Variants in AKR1D1 observed in about 807,000 individuals in gnomAD.
AKR1D1 encodes the protein aldo-keto reductase family 1 member D1, also known as delta(4)-3-ketosteroid 5-beta-reductase.
In AKR1D1, 32 loss-of-function variants were observed where a neutral mutation model predicts 42.6. The ratio of observed to expected loss-of-function variants is 0.75; its 90% CI spans 0.57 to 1.01. The LOEUF (loss-of-function observed/expected upper bound fraction) is 1.01, where lower values mean the gene tolerates loss of function less well. AKR1D1 is among the 50% of genes least tolerant of loss of function. The pLI, the probability that AKR1D1 is intolerant of heterozygous loss-of-function variation, is 0.00. For synonymous variants in AKR1D1, 123 were observed against 135.5 expected (o/e 0.91, Z 0.64); for missense variants, 364 against 402.2 (o/e 0.91, Z 0.81).
At chr7:138,098,075 C>T (rs1196756291) in intron 4 of AKR1D1, 132 bp downstream of exon 4, 2 of 771,474 alleles carry the variant, frequency 2.6e-6, no homozygotes, top group East Asian at 5.1e-5. Context: ...ACAGGCATTC[C>T]TAACCATAAG....
chr7:138,106,511 T>C, intron 5 of AKR1D1, 97 bp from the exon 6 acceptor site: 1 of 868,476 alleles, frequency 1.2e-6, no homozygotes, highest in Admixed American at 1.8e-5. Context: ...ATTCTATTAA[T>C]AAAATGGATT....
chr7:138,077,183 G>T (rs2117405808), intron 1 of AKR1D1, among the ~76,000 whole-genome samples: 1 of 152,254 alleles, frequency 6.6e-6, no homozygotes, highest in South Asian at 2.1e-4. Flanking sequence ...TTCTCATGCT[G>T]CTATTAAAGA....
Position 138,076,488 on chromosome 7 carries a change from C to G in AKR1D1, c.-31C>G, listed in dbSNP as rs749533931. ...TTCTAAAAAGACTCCCTGTGGTGTT[C>G]AGAATCACTCCTACAGTCAGGTTCT... On this transcript the variant is annotated 5_prime_UTR_variant, in exon 1 of 9. Transcript: ENST00000242375. 1 of 1,582,492 alleles carries G rather than the reference C, an allele frequency of 6.3e-7. No homozygotes were observed. Among genetic ancestry groups the G allele is most frequent in the East Asian group, 2.2e-5 (1 of 44,638 alleles).
At chr7:138,113,272 T>C (rs1794569116) in intron 7 of AKR1D1, among the ~76,000 whole-genome samples, 1 of 149,962 alleles carries the variant, frequency 6.7e-6, no homozygotes, top group African/African-American at 2.5e-5. Flanking sequence ...GCCAAGATGA[T>C]ACCACAGCAC....
chr7:138,086,878 A>G (rs1803192650), intron 1 of AKR1D1, among the ~76,000 whole-genome samples: 1 of 152,246 alleles, frequency 6.6e-6, no homozygotes, highest in South Asian at 2.1e-4. Flanking sequence ...TGCTTTGAAA[A>G]TTATATTTGA....
rs1794654974 is a variant in AKR1D1 at position 138,117,383 on chromosome 7, C to A, written c.*721C>A. The A allele has an allele frequency of 6.6e-6, 1 of 152,550 alleles. No individual in the cohort carries two copies. Among genetic ancestry groups the A allele is most frequent in the Non-Finnish European group, 1.5e-5 (1 of 68,048 alleles). 9.4% of individuals were successfully genotyped at this position (152,550 alleles called of 1,614,324 possible). Reference sequence around the variant, plus strand: ...CTTACACATCTTACTGTCAATCTTGCCTACATTGATTATAGAACCACTATT... The same window carrying A: ...CTTACACATCTTACTGTCAATCTTGACTACATTGATTATAGAACCACTATT... On this transcript the variant is annotated 3_prime_UTR_variant, in exon 9 of 9. Transcript: ENST00000242375.
chr7:138,106,300 G>A (rs1004741568), intron 5 of AKR1D1, among the ~76,000 whole-genome samples: 11 of 152,126 alleles, frequency 7.2e-5, no homozygotes, highest in Non-Finnish European at 1.2e-4. Context: ...ACTGATGTGT[G>A]TTTACTACAA....
intron 1 of AKR1D1, among the ~76,000 whole-genome samples, chr7:138,085,588 G>A (rs996910211): frequency 2.0e-5 from 3 of 151,864 alleles, no homozygotes; most frequent in African/African-American, 4.8e-5. Context: ...GGGATTACAG[G>A]TGTCTACCAC....
intron 5 of AKR1D1, among the ~76,000 whole-genome samples, chr7:138,106,032 A>G (rs188276678): frequency 2.7e-4 from 41 of 151,994 alleles, no homozygotes; most frequent in African/African-American, 9.0e-4. Flanking sequence ...ATGAAAAAAA[A>G]CTCACTATTA....
At chr7:138,100,490 G>A (rs1013318177) in intron 4 of AKR1D1, among the ~76,000 whole-genome samples, 3 of 152,032 alleles carry the variant, frequency 2.0e-5, no homozygotes, top group Non-Finnish European at 4.4e-5. Context: ...GCTAACACTA[G>A]TAAAAATAAA....
chr7:138,113,895 C>T (rs535179835), intron 8 of AKR1D1, 123 bp downstream of exon 8: 5 of 839,540 alleles, frequency 6.0e-6, no homozygotes, highest in Admixed American at 5.9e-5. Flanking sequence ...TGGTGGGCCG[C>T]ATATTCTGAA....
At chr7:138,088,899 T>C (rs1211333263) in intron 2 of AKR1D1, 131 bp downstream of exon 2, 1 of 834,738 alleles carries the variant, frequency 1.2e-6, no homozygotes, top group Non-Finnish European at 1.8e-6. Context: ...ACAGTTTGGG[T>C]TTGTTTGTTT....
Position 138,106,668 on chromosome 7 carries a change from A to G in AKR1D1, c.640A>G (p.Ile214Val). 1.2e-6 allele frequency: 2 copies of G among 1,614,128 alleles called. No homozygotes were observed. Among genetic ancestry groups the G allele is most frequent in the Non-Finnish European group, 1.7e-6 (2 of 1,179,990 alleles). ...KLLKFCQQHDIVITAYSPLGT... is the reference protein window; with the variant it reads ...KLLKFCQQHDVVITAYSPLGT... The stretch of plus-strand genomic sequence containing the variant: ...CTTGAAATTTTGCCAACAACATGAC[A>G]TTGTCATTACTGCATATAGCCCTTT... Residue 214 changes from isoleucine to valine, a missense_variant, in exon 6 of 9, where the codon ATT becomes GTT. Ile to Val is a conservative substitution (Grantham distance 29). Coordinates refer to ENST00000242375, the MANE Select transcript of AKR1D1 (RefSeq NM_005989.4).
At position 138,118,146 on chromosome 7, in the gene AKR1D1, T is replaced by C. The variant is rs17169523; in HGVS notation, c.*1484T>C. ...AAGATCAGTTGCTTATAGATAATGT[T>C]CAATGACCTCAAGACATATATTTTT... On this transcript the variant is annotated 3_prime_UTR_variant, in exon 9 of 9. Coordinates refer to ENST00000242375, the MANE Select transcript of AKR1D1 (RefSeq NM_005989.4). Among the ~76,000 whole-genome samples the C allele has an allele frequency of 0.047, 7,148 of 152,322 alleles. 532 individuals carry two copies. The highest frequency in any genetic ancestry group is 0.16 in the African/African-American group (6,551 of 41,556).
At chr7:138,088,819 G>C (rs770008076) in intron 2 of AKR1D1, 51 bp downstream of exon 2, 26 of 1,530,116 alleles carry the variant, frequency 1.7e-5, no homozygotes, top group Non-Finnish European at 2.3e-5. Context: ...GGTTTCAGTT[G>C]TTCATTTTAT....
intron 7 of AKR1D1, among the ~76,000 whole-genome samples, chr7:138,111,255 C>A (rs1794530936): frequency 6.6e-6 from 1 of 152,138 alleles, no homozygotes; most frequent in South Asian, 2.1e-4. Flanking sequence ...AAATAAAATC[C>A]AACCTAGACT....
At chr7:138,081,426 G>T (rs1199514608) in intron 1 of AKR1D1, among the ~76,000 whole-genome samples, 2 of 144,238 alleles carry the variant, frequency 1.4e-5, no homozygotes, top group African/African-American at 5.1e-5. Context: ...AGCTCCCTCA[G>T]TGTATCACCC....
In AKR1D1 at chr7:138,105,392, A is replaced by G. The variant is rs765269725; in HGVS notation, c.542A>G (p.Asn181Ser). The change falls in exon 5 of 9, where the codon AAC (asparagine) becomes AGC (serine). Residue 181 changes from asparagine (N) to serine (S), a missense_variant. Coordinates refer to ENST00000242375, the MANE Select transcript of AKR1D1 (RefSeq NM_005989.4). ...FNRRQLELILNKPGLKHKPVS... is the reference protein window; with the variant it reads ...FNRRQLELILSKPGLKHKPVS... ...CGCAGGCAGCTGGAGCTCATCCTGA[A>G]CAAGCCAGGACTCAAACACAAGCCA... 105 of 1,613,954 alleles carry G rather than the reference A, an allele frequency of 6.5e-5. No homozygotes were observed. Among genetic ancestry groups the G allele is most frequent in the Admixed American group, 1.2e-4 (7 of 59,984 alleles).
chr7:138,088,633 G>T lies in AKR1D1; in HGVS notation c.126G>T (p.Lys42Asn). Reference sequence around the variant, plus strand: ...AGGGAGCCTGTGCAACATCGGTGAAGGTTGCTATTGACACAGGGTACCGAC... The same window carrying T: ...AGGGAGCCTGTGCAACATCGGTGAATGTTGCTATTGACACAGGGTACCGAC... ...TPKGACATSVKVAIDTGYRHI... is the reference protein window; with the variant it reads ...TPKGACATSVNVAIDTGYRHI... Residue 42 changes from lysine to asparagine, a missense_variant, in exon 2 of 9, where the codon AAG becomes AAT. Transcript: ENST00000242375. The T allele has an allele frequency of 6.2e-7, 1 of 1,614,194 alleles. No homozygotes were observed. Among genetic ancestry groups the T allele is most frequent in the Non-Finnish European group, 8.5e-7 (1 of 1,180,024 alleles).
Sources: gnomAD v4.1 joint callset for allele counts (sites outside exome capture counted in the v4.1 genomes callset) on GRCh38, gnomAD v4.1.1 for gene constraint, MANE v1.5 for transcripts, NCBI Gene and HGNC (gene_info 2026-07-23, HGNC 2026-07-21) for gene names.